The following EPRS1 variants were observed in gnomAD, a reference collection of about 807,000 sequenced individuals.
The protein encoded by EPRS1 is glutamyl-prolyl-tRNA synthetase 1, also known as bifunctional glutamate/proline--tRNA ligase.
EPRS1 carries 107 observed loss-of-function variants against 188.3 expected under a neutral mutation model. The ratio of observed to expected loss-of-function variants is 0.57; its 90% CI spans 0.49 to 0.67. The LOEUF is 0.67. Among genes scored for constraint, EPRS1 ranks in the 30% least tolerant of loss-of-function variants. EPRS1 has a pLI of 0.00. For synonymous variants in EPRS1, 596 were observed against 593.1 expected, an observed-to-expected ratio of 1.00 and a Z score of -0.07; for missense variants, 1,577 against 1,802.2, an observed-to-expected ratio of 0.88 and a Z score of 2.26.
At chr1:220,022,166 T>C (rs1018360006) in intron 9 of EPRS1, among the ~76,000 whole-genome samples, 181 bp downstream of exon 9, 4 of 152,182 alleles carry the variant, frequency 2.6e-5, no homozygotes, top group African/African-American at 7.2e-5. Flanking sequence ...AGAACCTTAA[T>C]TGACAGGTGA....
At chr1:219,976,418 T>C (rs1298634706) in intron 28 of EPRS1, among the ~76,000 whole-genome samples, 1 of 152,038 alleles carries the variant, frequency 6.6e-6, no homozygotes, top group Non-Finnish European at 1.5e-5. Context: ...TGAATGGGGG[T>C]CTAGAATTAG....
At chr1:220,018,378 T>C in intron 12 of EPRS1, 71 bp downstream of exon 12, 1 of 1,211,184 alleles carries the variant, frequency 8.3e-7, no homozygotes, top group South Asian at 1.2e-5. Flanking sequence ...ATGAGCACAG[T>C]AATGACTTCT....
In EPRS1 at chr1:219,972,118, A is replaced by T. The variant is rs1225757032; in HGVS notation, c.4274T>A (p.Val1425Asp). Reference sequence around the variant, plus strand: ...AAAGTCTTCCATTGTATTAGCCACAACCATATGAGTCTTAAGGTCTTCAGA... The same window carrying T: ...AAAGTCTTCCATTGTATTAGCCACATCCATATGAGTCTTAAGGTCTTCAGA... ...RASEDLKTHM[V>D]VANTMEDFQK... The change falls in exon 30 of 32, where the codon GTT becomes GAT. Residue 1425 changes from valine (V) to aspartate (D), a missense_variant. By Grantham distance (152) the Val-to-Asp change is radical. This residue lies in a region of EPRS1 where 296 missense variants were observed against 327.9 expected (regional missense o/e 0.90). Transcript: ENST00000366923. 1 of 1,600,546 alleles carries T rather than the reference A, an allele frequency of 6.2e-7. No homozygotes were observed.
rs777571239 is a variant in EPRS1, at chr1:219,968,779, G to A, written c.*27C>T. The A allele has an allele frequency of 2.5e-6, 4 of 1,610,968 alleles. No individual in the cohort carries two copies. The highest frequency in any genetic ancestry group is 3.4e-6 in the Non-Finnish European group (4 of 1,177,294). On this transcript the variant is annotated 3_prime_UTR_variant, in exon 32 of 32. Transcript: ENST00000366923. The stretch of plus-strand genomic sequence containing the variant: ...ATCAATGCTTTAAAAAGTGAGAGGA[G>A]TTGAAGAGGGGGCTTTCGTTCATCC...
intron 21 of EPRS1, 128 bp downstream of exon 21, chr1:219,984,078 A>G: frequency 1.5e-6 from 1 of 681,222 alleles, no homozygotes; most frequent in Non-Finnish European, 2.7e-6. Flanking sequence ...AAATGACTAC[A>G]CTGTGTATTA....
intron 19 of EPRS1, 103 bp from the exon 20 acceptor site, chr1:219,987,507 C>T: frequency 1.0e-6 from 1 of 970,214 alleles, no homozygotes; most frequent in African/African-American, 1.6e-5. Context: ...CTTTTTTCCG[C>T]CAATATCACA....
Position 220,020,038 on chromosome 1 carries a change from T to A in EPRS1, c.1299A>T (p.Leu433=). The A allele has an allele frequency of 6.2e-7, 1 of 1,614,090 alleles. No homozygotes were observed. Among genetic ancestry groups the A allele is most frequent in the Non-Finnish European group, 8.5e-7 (1 of 1,179,954 alleles). ...CAAACCATGTGAGTTTTCTTTTGGA[T>A]AGCACTGTGTTGTTGAGATTTAGCC... ...YSRLNLNNTV[L]SKRKLTWFVN... is the part of the protein sequence containing the mutation. The change falls in exon 10 of 32, where the codon CTA becomes CTT. Residue 433 remains leucine, a synonymous_variant. Transcript: ENST00000366923.
At chr1:220,025,795 G>GT (rs780936118) in intron 6 of EPRS1, among the ~76,000 whole-genome samples, 5,553 of 141,536 alleles carry the variant, frequency 0.039, 281 homozygotes, top group African/African-American at 0.13. Context: ...CAAAATAAAA[G>GT]TTTTTTTTTT....
chr1:220,036,289 C>T (rs1015172208), intron 2 of EPRS1, among the ~76,000 whole-genome samples: 3 of 152,130 alleles, frequency 2.0e-5, no homozygotes, highest in Non-Finnish European at 4.4e-5. Flanking sequence ...TCTCAAAGAG[C>T]TAAAAACAGA....
intron 13 of EPRS1, among the ~76,000 whole-genome samples, chr1:220,010,540 A>ACT (rs1661581675): frequency 6.6e-6 from 1 of 152,188 alleles, no homozygotes; most frequent in Non-Finnish European, 1.5e-5. Context: ...AGCCTGGCGC[A>ACT]GTGGCTCACG....
intron 12 of EPRS1, among the ~76,000 whole-genome samples, chr1:220,016,953 G>A (rs867959153): frequency 3.4e-4 from 51 of 152,006 alleles, no homozygotes; most frequent in African/African-American, 1.1e-3. Flanking sequence ...AGTGGCTCAC[G>A]CCTGTAATCA....
At chr1:219,993,543 G>A (rs1661164738) in intron 18 of EPRS1, among the ~76,000 whole-genome samples, 1 of 152,186 alleles carries the variant, frequency 6.6e-6, no homozygotes, top group Non-Finnish European at 1.5e-5. Context: ...ACAAAAAACA[G>A]AGCAAGAAAA....
chr1:219,994,640 C>CTT (rs71169424), intron 18 of EPRS1, among the ~76,000 whole-genome samples: 24 of 109,490 alleles, frequency 2.2e-4, no homozygotes, highest in Non-Finnish European at 4.2e-4. Context: ...GTAACTTCTT[C>CTT]TTTTTTTTTT....
intron 23 of EPRS1, 68 bp downstream of exon 23, chr1:219,982,704 G>A (rs967685007): frequency 7.2e-6 from 9 of 1,242,378 alleles, no homozygotes; most frequent in South Asian, 6.2e-5. Context: ...CAAAAGCTGA[G>A]ACTCAACTTT....
At chr1:220,039,179 T>C (rs1662246133) in intron 2 of EPRS1, among the ~76,000 whole-genome samples, 1 of 152,188 alleles carries the variant, frequency 6.6e-6, no homozygotes, top group South Asian at 2.1e-4. Flanking sequence ...AACATTCCCC[T>C]GTCTGAAACT....
chr1:220,005,826 T>TC (rs1043737262), intron 15 of EPRS1, among the ~76,000 whole-genome samples: 2 of 38,924 alleles, frequency 5.1e-5, no homozygotes, highest in African/African-American at 4.1e-4. Context: ...CGTTTTTTTT[T>TC]TTGTTTTTTT....
intron 28 of EPRS1, among the ~76,000 whole-genome samples, chr1:219,977,296 A>C (rs1161620699): frequency 6.6e-6 from 1 of 152,148 alleles, no homozygotes; most frequent in Non-Finnish European, 1.5e-5. Flanking sequence ...TTTCCTGAGG[A>C]ATACAGACAA....
intron 17 of EPRS1, among the ~76,000 whole-genome samples, chr1:219,998,447 C>T (rs953537408): frequency 6.6e-6 from 1 of 152,028 alleles, no homozygotes; most frequent in Admixed American, 6.6e-5. Flanking sequence ...TCTATATGTA[C>T]ACTCAAACAC....
intron 14 of EPRS1, 147 bp downstream of exon 14, chr1:220,007,054 CT>C: frequency 1.7e-6 from 1 of 578,936 alleles, no homozygotes; most frequent in Non-Finnish European, 2.8e-6. Context: ...AAAAATTTAA[CT>C]TGTGTCCAGA....
Sources: allele counts gnomAD v4.1 joint callset (sites outside exome capture counted in the v4.1 genomes callset), GRCh38; gene constraint gnomAD v4.1.1; regional missense constraint gnomAD v4.1.1; transcripts MANE v1.5; gene names NCBI Gene and HGNC (gene_info 2026-07-23, HGNC 2026-07-21).